Variants in ARID1B observed in about 807,000 individuals in gnomAD.
ARID1B encodes AT-rich interactive domain-containing protein 1B.
ARID1B carries 30 observed loss-of-function variants against 212.3 expected under a neutral mutation model. The ratio of observed to expected loss-of-function variants is 0.14; its 90% CI spans 0.11 to 0.19. The LOEUF (loss-of-function observed/expected upper bound fraction) is 0.19, where lower values mean the gene tolerates loss of function less well. Among genes scored for constraint, ARID1B ranks in the 10% least tolerant of loss-of-function variants. ARID1B has a pLI of 1.00. For missense variants in ARID1B, 2,891 were observed against 3,204.0 expected, an observed-to-expected ratio of 0.90 and a Z score of 2.36; for synonymous variants, 1,402 against 1,301.7, an observed-to-expected ratio of 1.08 and a Z score of -1.66.
At chr6:156,822,961 T>G (rs760811942) in intron 1 of ARID1B, among the ~76,000 whole-genome samples, 9 of 152,178 alleles carry the variant, frequency 5.9e-5, no homozygotes, top group Non-Finnish European at 1.2e-4. Context: ...CAGAGGCATT[T>G]TGAGCTATAT....
chr6:156,780,170 A>G (rs2115026988), intron 1 of ARID1B, among the ~76,000 whole-genome samples: 1 of 152,298 alleles, frequency 6.6e-6, no homozygotes, highest in Non-Finnish European at 1.5e-5. Flanking sequence ...TAGCCAGGGA[A>G]ATCCATTATT....
rs116078952 is a variant in ARID1B, at chr6:157,078,534, C to T, written c.2248-6128C>T. Among the ~76,000 whole-genome samples, 720 of 152,216 alleles carry T rather than the reference C, an allele frequency of 4.7e-3. 1 individual carries two copies. The highest frequency in any genetic ancestry group is 0.017 in the African/African-American group (696 of 41,522). On this transcript the variant is annotated intron_variant, in intron 4 of 19. Transcript: ENST00000636930. ...GAATCTCTTCAAAAGAGCTTGAAAA[C>T]TGAGACTATTTTAGGAACCCCTTGA...
At chr6:156,941,720 C>G (rs1792687604) in intron 4 of ARID1B, 1 of 152,138 alleles carries the variant, frequency 6.6e-6, no homozygotes, top group African/African-American at 2.4e-5. Flanking sequence ...CTCCTTCTTT[C>G]AAAACAATCT....
At chr6:157,021,635 G>T (rs569315024) in intron 4 of ARID1B, among the ~76,000 whole-genome samples, 1 of 152,036 alleles carries the variant, frequency 6.6e-6, no homozygotes, top group East Asian at 1.9e-4. Context: ...GCGCACAGAT[G>T]AGCCTTTGTG....
At chr6:157,018,539 C>G (rs996997892) in intron 4 of ARID1B, among the ~76,000 whole-genome samples, 1 of 152,190 alleles carries the variant, frequency 6.6e-6, no homozygotes, top group African/African-American at 2.4e-5. Flanking sequence ...TATGATAAAA[C>G]TCTGCTTCCT....
Position 157,206,561 on chromosome 6 carries a change from G to T in ARID1B, c.5789G>T (p.Gly1930Val). ...LFVVDRSDKL[G>V]RVQEFNSGLL... Reference sequence around the variant, plus strand: ...GTTGTTGACCGATCTGACAAGTTGGGGCGTGTGCAGGAGTTCAATAGTGGC... The same window carrying T: ...GTTGTTGACCGATCTGACAAGTTGGTGCGTGTGCAGGAGTTCAATAGTGGC... Residue 1930 changes from glycine (G) to valine (V), a missense_variant, in exon 20 of 20, where the codon GGG (glycine) becomes GTG (valine). Gly to Val is a moderately radical substitution (Grantham distance 109, BLOSUM62 -3). Transcript: ENST00000636930. The surrounding 1 kb of genome is among the most constrained non-coding windows in gnomAD (Gnocchi z 6.8). 1.2e-6 allele frequency: 2 copies of T among 1,614,122 alleles called. No individual in the cohort carries two copies. The highest frequency in any genetic ancestry group is 1.7e-6 in the Non-Finnish European group (2 of 1,180,024).
intron 2 of ARID1B, among the ~76,000 whole-genome samples, chr6:156,899,709 T>C (rs1788769195): frequency 6.6e-6 from 1 of 152,168 alleles, no homozygotes; most frequent in African/African-American, 2.4e-5. Context: ...TCTTGCAATC[T>C]GTCCTGTTGT....
intron 4 of ARID1B, among the ~76,000 whole-genome samples, chr6:156,979,319 T>C (rs149043927): frequency 1.3e-5 from 2 of 152,234 alleles, no homozygotes; most frequent in African/African-American, 4.8e-5. Flanking sequence ...CTTGTTTTCC[T>C]TATTCAGAAT....
chr6:157,098,847 A>G (rs1321604727), intron 5 of ARID1B, among the ~76,000 whole-genome samples: 1 of 152,184 alleles, frequency 6.6e-6, no homozygotes. Context: ...CCTCAGTCAA[A>G]CCCAAAGCAC....
intron 2 of ARID1B, among the ~76,000 whole-genome samples, chr6:156,833,202 C>G (rs540265365): frequency 1.3e-4 from 20 of 152,134 alleles, no homozygotes; most frequent in African/African-American, 3.9e-4. Flanking sequence ...TAGAATCTGA[C>G]TCTGAGTTTT....
At chr6:157,051,516 A>G (rs898976573) in intron 4 of ARID1B, among the ~76,000 whole-genome samples, 2 of 152,188 alleles carry the variant, frequency 1.3e-5, no homozygotes, top group African/African-American at 2.4e-5. Context: ...TTAGATGACT[A>G]TTTGTAATCT....
chr6:157,005,798 G>A (rs1484667069), intron 4 of ARID1B, among the ~76,000 whole-genome samples: 2 of 151,848 alleles, frequency 1.3e-5, no homozygotes, highest in African/African-American at 4.8e-5. Context: ...TAGAAGTTTG[G>A]CCTGCATTTC....
At chr6:157,004,905 T>TTTTTTTTTG (rs1779140576) in intron 4 of ARID1B, among the ~76,000 whole-genome samples, 1 of 104,816 alleles carries the variant, frequency 9.5e-6, no homozygotes, top group Non-Finnish European at 1.9e-5. Flanking sequence ...TTCTTTTTTT[T>TTTTTTTTTG]TTTTTTTTTT....
chr6:157,106,349 A>T (rs1411304475), intron 5 of ARID1B, among the ~76,000 whole-genome samples: 1 of 152,196 alleles, frequency 6.6e-6, no homozygotes, highest in African/African-American at 2.4e-5. Context: ...GCTGCAGTCA[A>T]GATGTTGGGC....
At chr6:157,082,624 C>T (rs528918373) in intron 4 of ARID1B, among the ~76,000 whole-genome samples, 3 of 152,162 alleles carry the variant, frequency 2.0e-5, no homozygotes, top group Admixed American at 1.3e-4. Flanking sequence ...ACTTGTAGCT[C>T]ACTGTAGCCT....
intron 2 of ARID1B, among the ~76,000 whole-genome samples, chr6:156,897,249 C>CTTATTATTATTATTATTATTA (rs1165510857): frequency 3.0e-5 from 3 of 100,822 alleles, no homozygotes; most frequent in Non-Finnish European, 4.2e-5. Context: ...TCTTCTTCTT[C>CTTATTATTATTATTATTATTA]TTCTTCTTCT....
chr6:157,162,988 G>C (rs971356127), intron 8 of ARID1B, among the ~76,000 whole-genome samples: 2 of 152,216 alleles, frequency 1.3e-5, no homozygotes, highest in African/African-American at 4.8e-5. Context: ...CAAGGGTCTG[G>C]GGGGAGGCTT....
intron 4 of ARID1B, among the ~76,000 whole-genome samples, chr6:156,984,417 G>GA (rs1202889216): frequency 6.6e-6 from 1 of 152,008 alleles, no homozygotes; most frequent in Non-Finnish European, 1.5e-5. Flanking sequence ...AGAATACTGG[G>GA]AAAAAAAGGG....
chr6:157,056,792 A>G (rs1782982665), intron 4 of ARID1B, among the ~76,000 whole-genome samples: 1 of 152,230 alleles, frequency 6.6e-6, no homozygotes, highest in East Asian at 1.9e-4. Flanking sequence ...AAACTTAGGC[A>G]ATTGAATTTT....
Sources: gnomAD v4.1 joint callset for allele counts (sites outside exome capture counted in the v4.1 genomes callset) on GRCh38, gnomAD v4.1.1 for gene constraint, Gnocchi (gnomAD v3.1) non-coding constraint, MANE v1.5 for transcripts, NCBI Gene and HGNC (gene_info 2026-07-23, HGNC 2026-07-21) for gene names.